The following AFAP1L2 variants were observed in gnomAD, a reference collection of about 807,000 sequenced individuals.
AFAP1L2 encodes actin filament-associated protein 1-like 2.
Under a neutral mutation model 99.3 loss-of-function variants are expected in AFAP1L2, and 46 were observed. The observed-to-expected ratio is 0.46, with a 90% CI of 0.37 to 0.59. AFAP1L2 has a LOEUF of 0.59. AFAP1L2 is among the 20% of genes least tolerant of loss of function. The pLI is 0.00. For missense variants in AFAP1L2, 959 were observed against 1,034.9 expected, an observed-to-expected ratio of 0.93 and a Z score of 1.01; for synonymous variants, 397 against 419.1, an observed-to-expected ratio of 0.95 and a Z score of 0.64.
At chr10:114,317,764 T>C (rs118082198) in intron 5 of AFAP1L2, among the ~76,000 whole-genome samples, 8,686 of 151,838 alleles carry the variant, frequency 0.057, 311 homozygotes, top group South Asian at 0.091. Flanking sequence ...GAGGCTGAGG[T>C]GGGAGGATGG....
At chr10:114,319,551 G>A (rs1277346484) in intron 5 of AFAP1L2, 2 of 1,289,098 alleles carry the variant, frequency 1.6e-6, no homozygotes, top group African/African-American at 1.5e-5. Flanking sequence ...AGCTCGGGGA[G>A]TAAGCAGTAC....
downstream of AFAP1L2, among the ~76,000 whole-genome samples, chr10:114,294,335 T>C (rs2039872530): frequency 6.6e-6 from 1 of 152,232 alleles, no homozygotes; most frequent in Non-Finnish European, 1.5e-5. Context: ...ATATTCATAG[T>C]ATTTTTTTAT....
Position 114,297,186 on chromosome 10 carries a change from C to T in AFAP1L2, c.2307+34G>A, listed in dbSNP as rs759692943. 1.1e-5 allele frequency: 18 copies of T among 1,607,044 alleles called. No individual in the cohort carries two copies. In the African/African-American group the frequency reaches 2.3e-4, roughly 20 times the overall value. On this transcript the variant is annotated intron_variant, in intron 17 of 18. Transcript: ENST00000304129. ...CCCAACCCATGTCCAGGGAGCCCTG[C>T]AAGCAGCCCAGAGGCCGCAGTTCCA...
intron 11 of AFAP1L2, among the ~76,000 whole-genome samples, chr10:114,304,267 T>G (rs755857202): frequency 1.3e-5 from 2 of 152,224 alleles, no homozygotes; most frequent in African/African-American, 2.4e-5. Flanking sequence ...TCACTTCTTA[T>G]TTTTGTAAAC....
At chr10:114,326,671 G>A (rs758756114) in intron 4 of AFAP1L2, among the ~76,000 whole-genome samples, 2 of 152,106 alleles carry the variant, frequency 1.3e-5, no homozygotes, top group Admixed American at 6.5e-5. Context: ...AGTGGAGTCC[G>A]ATCTCCAGAA....
the AFAP1L2 span, among the ~76,000 whole-genome samples, chr10:114,284,036 A>G: frequency 6.6e-6 from 1 of 152,240 alleles, no homozygotes; most frequent in Non-Finnish European, 1.5e-5. Context: ...TGTTTTCTGT[A>G]ACCCTGGGAA....
chr10:114,333,894 C>T (rs1007860088), intron 2 of AFAP1L2, among the ~76,000 whole-genome samples: 2 of 152,152 alleles, frequency 1.3e-5, no homozygotes, highest in African/African-American at 4.8e-5. Context: ...CTCTGGGCTT[C>T]CTAGCATTTC....
chr10:114,288,894 G>T, the AFAP1L2 span: 1 of 1,563,216 alleles, frequency 6.4e-7, no homozygotes, highest in South Asian at 1.2e-5. Context: ...GAGGGGCTCT[G>T]ACTGGCACAT....
chr10:114,359,948 C>G (rs2051994655), intron 1 of AFAP1L2, among the ~76,000 whole-genome samples: 1 of 151,890 alleles, frequency 6.6e-6, no homozygotes, highest in African/African-American at 2.4e-5. Context: ...ACATTGCCAC[C>G]TTACCAGAGC....
At chr10:114,305,518 G>T in intron 10 of AFAP1L2, among the ~76,000 whole-genome samples, 1 of 145,508 alleles carries the variant, frequency 6.9e-6, no homozygotes, top group Non-Finnish European at 1.5e-5. Flanking sequence ...TGCAGGAGGG[G>T]GTGCAGGTAC....
rs189614206 is a variant in AFAP1L2, at chr10:114,358,712, C to T, written c.17-17981G>A. On this transcript the variant is annotated intron_variant, in intron 1 of 18. Coordinates refer to ENST00000304129, the MANE Select transcript of AFAP1L2 (RefSeq NM_001001936.3). ...GGTGGATCACCTGAGGTCAGGAGTT[C>T]GAGACCAGCCTGGTCAACATGGCGA... Among the ~76,000 whole-genome samples the T allele has an allele frequency of 6.8e-3, 1,034 of 152,170 alleles. 15 individuals carry two copies. The highest frequency in any genetic ancestry group is 0.024 in the African/African-American group (1,001 of 41,502).
intron 1 of AFAP1L2, among the ~76,000 whole-genome samples, chr10:114,401,976 G>A (rs1426663976): frequency 1.3e-5 from 2 of 152,216 alleles, no homozygotes; most frequent in African/African-American, 4.8e-5. Flanking sequence ...ACCTACCTGA[G>A]AGAGGGAGAG....
chr10:114,334,064 G>A (rs1422249295), intron 2 of AFAP1L2, among the ~76,000 whole-genome samples: 1 of 152,190 alleles, frequency 6.6e-6, no homozygotes, highest in East Asian at 1.9e-4. Context: ...ACGGGGACCT[G>A]AATAGCCAAA....
chr10:114,280,820 C>T, the AFAP1L2 span: 1 of 152,296 alleles, frequency 6.6e-6, no homozygotes, highest in Admixed American at 6.5e-5. Context: ...CTTGGTGCAG[C>T]CTCAAACTTC....
chr10:114,282,548 C>T, the AFAP1L2 span: 1 of 1,614,140 alleles, frequency 6.2e-7, no homozygotes. Flanking sequence ...CACCCTGCCA[C>T]CTGCTACAGG....
At chr10:114,361,641 C>A (rs569601479) in intron 1 of AFAP1L2, among the ~76,000 whole-genome samples, 1 of 152,178 alleles carries the variant, frequency 6.6e-6, no homozygotes, top group African/African-American at 2.4e-5. Flanking sequence ...TTGGCAGCTA[C>A]GAGGTCACAT....
intron 7 of AFAP1L2, among the ~76,000 whole-genome samples, chr10:114,311,579 C>T (rs972251898): frequency 5.3e-5 from 8 of 152,210 alleles, no homozygotes; most frequent in African/African-American, 1.7e-4. Context: ...ATACCTTTGC[C>T]ACGAGCCAGC....
At chr10:114,381,803 C>T (rs1250402113) in intron 1 of AFAP1L2, among the ~76,000 whole-genome samples, 1 of 151,806 alleles carries the variant, frequency 6.6e-6, no homozygotes, top group Non-Finnish European at 1.5e-5. Flanking sequence ...ACATAAAAAG[C>T]TCCTAAAAAA....
intron 1 of AFAP1L2, among the ~76,000 whole-genome samples, chr10:114,375,069 C>T (rs962188551): frequency 4.6e-5 from 7 of 152,028 alleles, no homozygotes; most frequent in African/African-American, 7.2e-5. Context: ...AAATCAGACT[C>T]GACACCTGTT....
Sources: allele counts gnomAD v4.1 joint callset (sites outside exome capture counted in the v4.1 genomes callset), GRCh38; gene constraint gnomAD v4.1.1; transcripts MANE v1.5; gene names NCBI Gene and HGNC (gene_info 2026-07-23, HGNC 2026-07-21).